The following XPO1 variants were observed in gnomAD, a reference collection of about 807,000 sequenced individuals.
The protein encoded by XPO1 is exportin 1.
XPO1 carries 5 observed loss-of-function variants against 133.3 expected under a neutral mutation model. The ratio of observed to expected loss-of-function variants is 0.04; its 90% CI spans 0.02 to 0.08. The LOEUF (loss-of-function observed/expected upper bound fraction) is 0.08, where lower values mean the gene tolerates loss of function less well. Among genes scored for constraint, XPO1 ranks in the 10% least tolerant of loss-of-function variants. The pLI, the probability that XPO1 is intolerant of heterozygous loss-of-function variation, is 1.00. For synonymous variants in XPO1, 419 were observed against 408.2 expected, an observed-to-expected ratio of 1.03 and a Z score of -0.32; for missense variants, 506 against 1,267.5, an observed-to-expected ratio of 0.40 and a Z score of 9.12.
intron 19 of XPO1, 105 bp from the exon 20 acceptor site, chr2:61,486,067 GA>G (rs1696676417): frequency 1.1e-6 from 1 of 935,074 alleles, no homozygotes. Context: ...ATCATCTACT[GA>G]AAACAGGAAA....
intron 24 of XPO1, 34 bp downstream of exon 24, chr2:61,481,151 C>A (rs766961644): frequency 6.9e-7 from 1 of 1,449,108 alleles, no homozygotes; most frequent in South Asian, 1.2e-5. Flanking sequence ...CACATCTACC[C>A]CTAATATTTC....
chr2:61,498,618 G>GA, intron 9 of XPO1, 55 bp downstream of exon 9: 1 of 1,596,608 alleles, frequency 6.3e-7, no homozygotes, highest in South Asian at 1.1e-5. Flanking sequence ...CTTTACATGT[G>GA]AAAAGAATAT....
At chr2:61,532,284 C>T (rs1354416259) in intron 2 of XPO1, among the ~76,000 whole-genome samples, 2 of 151,860 alleles carry the variant, frequency 1.3e-5, no homozygotes, top group Non-Finnish European at 1.5e-5. Flanking sequence ...CCCGCCACCA[C>T]GCCTGGCTAA....
intron 4 of XPO1, among the ~76,000 whole-genome samples, chr2:61,515,612 C>A (rs1698334730): frequency 6.6e-6 from 1 of 152,280 alleles, no homozygotes; most frequent in African/African-American, 2.4e-5. Flanking sequence ...AACCTTGCAA[C>A]ACAAACTGAA....
Position 61,484,040 on chromosome 2 carries a change from A to G in XPO1, c.2574T>C (p.His858=). 1 of 1,613,924 alleles carries G rather than the reference A, an allele frequency of 6.2e-7. No individual in the cohort carries two copies. ...GAATAGCAAGGAATGCTGGGAAACA[A>G]TGAGAATTGACAGCCTGAAGTAGTA... The part of the protein sequence containing the change: ...FFLLLQAVNS[H]CFPAFLAIPP... Residue 858 remains histidine (H), a synonymous_variant, in exon 21 of 25, where the codon CAT becomes CAC. Transcript: ENST00000401558.
chr2:61,505,188 T>A (rs2104560094), intron 4 of XPO1, among the ~76,000 whole-genome samples: 1 of 152,180 alleles, frequency 6.6e-6, no homozygotes, highest in Middle Eastern at 3.4e-3. Flanking sequence ...TTTTTCCTGG[T>A]CTCATTGTTG....
chr2:61,500,245 G>C (rs962158244), intron 6 of XPO1, among the ~76,000 whole-genome samples: 1 of 152,004 alleles, frequency 6.6e-6, no homozygotes, highest in Non-Finnish European at 1.5e-5. Context: ...CACTTTGTGG[G>C]GAGCCAGGGT....
chr2:61,491,234 G>A (rs1310692519), intron 16 of XPO1, among the ~76,000 whole-genome samples: 8 of 151,946 alleles, frequency 5.3e-5, no homozygotes, highest in Non-Finnish European at 1.0e-4. Context: ...AGGCCGAGGC[G>A]GGCGGATCAT....
chr2:61,483,174 G>A (rs746946813), intron 21 of XPO1, 83 bp from the exon 22 acceptor site: 7 of 1,456,460 alleles, frequency 4.8e-6, no homozygotes, highest in Non-Finnish European at 6.4e-6. Flanking sequence ...AAAGTATTCT[G>A]AATCTAACCC....
chr2:61,522,181 C>T (rs1323870530), intron 4 of XPO1, among the ~76,000 whole-genome samples: 1 of 152,078 alleles, frequency 6.6e-6, no homozygotes, highest in Non-Finnish European at 1.5e-5. Context: ...GCAATGCTCC[C>T]ACATAGCTGG....
intron 4 of XPO1, among the ~76,000 whole-genome samples, chr2:61,513,568 G>A (rs891333998): frequency 1.3e-5 from 2 of 151,118 alleles, no homozygotes; most frequent in Non-Finnish European, 2.9e-5. Flanking sequence ...CAAGAGATCT[G>A]CCTGCCTCGG....
intron 4 of XPO1, among the ~76,000 whole-genome samples, chr2:61,507,096 T>C (rs181569630): frequency 2.3e-4 from 35 of 151,314 alleles, no homozygotes; most frequent in Admixed American, 2.0e-3. Flanking sequence ...AACAAAAAAA[T>C]TTAGCTGGGC....
intron 19 of XPO1, among the ~76,000 whole-genome samples, chr2:61,487,617 T>C (rs1056899108): frequency 6.6e-6 from 1 of 152,046 alleles, no homozygotes; most frequent in African/African-American, 2.4e-5. Flanking sequence ...AAGGCTCAAT[T>C]GAATAACAAG....
At chr2:61,500,268 T>A (rs1377198991) in intron 6 of XPO1, among the ~76,000 whole-genome samples, 1 of 151,488 alleles carries the variant, frequency 6.6e-6, no homozygotes, top group Non-Finnish European at 1.5e-5. Flanking sequence ...GCAGATCACT[T>A]GAGGCCAGGA....
intron 9 of XPO1, among the ~76,000 whole-genome samples, chr2:61,497,877 A>G (rs1312470994): frequency 6.6e-6 from 1 of 152,244 alleles, no homozygotes; most frequent in Non-Finnish European, 1.5e-5. Flanking sequence ...TCTCTGTAGG[A>G]CTGTTGACAA....
chr2:61,485,701 C>A (rs1388624548), intron 20 of XPO1, 67 bp downstream of exon 20: 5 of 1,305,608 alleles, frequency 3.8e-6, no homozygotes, highest in African/African-American at 2.9e-5. Context: ...CACAGACATA[C>A]TTTAGCTTTC....
intron 11 of XPO1, 116 bp downstream of exon 11, chr2:61,495,339 T>C: frequency 5.0e-6 from 4 of 804,240 alleles, no homozygotes; most frequent in Non-Finnish European, 5.3e-6. Flanking sequence ...AATGTACTGA[T>C]CAAATATTAA....
At chr2:61,482,033 C>CTTTTTTTTTTTTGTTTTT (rs1491506588) in intron 23 of XPO1, among the ~76,000 whole-genome samples, 1 of 86,820 alleles carries the variant, frequency 1.2e-5, no homozygotes, top group African/African-American at 3.6e-5. Flanking sequence ...CCGTGCGTGG[C>CTTTTTTTTTTTTGTTTTT]CTTTTTTTTT....
At chr2:61,481,554 C>G (rs919873771) in intron 23 of XPO1, among the ~76,000 whole-genome samples, 2 of 152,058 alleles carry the variant, frequency 1.3e-5, no homozygotes, top group Non-Finnish European at 2.9e-5. Context: ...TGAAGCTATT[C>G]TCCTGCCTCA....
Sources: gnomAD v4.1 joint callset for allele counts (sites outside exome capture counted in the v4.1 genomes callset) on GRCh38, gnomAD v4.1.1 for gene constraint, MANE v1.5 for transcripts, NCBI Gene and HGNC (gene_info 2026-07-23, HGNC 2026-07-21) for gene names.